The following MAPKBP1 variants were observed in gnomAD, a reference collection of about 807,000 sequenced individuals.
The protein encoded by MAPKBP1 is mitogen-activated protein kinase-binding protein 1.
Under a neutral mutation model 170.5 loss-of-function variants are expected in MAPKBP1, and 71 were observed. The observed-to-expected ratio is 0.42, with a 90% CI of 0.34 to 0.51. The LOEUF (loss-of-function observed/expected upper bound fraction) is 0.51, where lower values mean the gene tolerates loss of function less well. MAPKBP1 is among the 20% of genes least tolerant of loss of function. The pLI, the probability that MAPKBP1 is intolerant of heterozygous loss-of-function variation, is 0.06. For missense variants in MAPKBP1, 1,598 were observed against 1,933.0 expected, an observed-to-expected ratio of 0.83 and a Z score of 3.25; for synonymous variants, 719 against 757.9, an observed-to-expected ratio of 0.95 and a Z score of 0.84.
In MAPKBP1 at chr15:41,823,773, C is replaced by T; in HGVS notation, c.3925C>T (p.Pro1309Ser). The change falls in exon 29 of 31, where the codon CCT becomes TCT. Residue 1309 changes from proline (P) to serine (S), a missense_variant. By Grantham distance (74) the Pro-to-Ser change is moderately conservative. Around this residue, in one of 6 missense-constraint regions of MAPKBP1, gnomAD observed 942 missense variants for 953.2 expected, o/e 0.99. Coordinates refer to ENST00000457542, the MANE Select transcript of MAPKBP1 (RefSeq NM_014994.3). ...PDRPTLAAFS[P>S]VTKGRAPGEA... ...CCGTCCTACCCTGGCTGCATTCTCT[C>T]CTGTCACCAAAGGCCGGGCCCCTGG... The T allele has an allele frequency of 6.2e-7, 1 of 1,614,178 alleles. No homozygotes were observed. The highest frequency in any genetic ancestry group is 8.5e-7 in the Non-Finnish European group (1 of 1,180,038).
chr15:41,804,594 C>T (rs943515014), intron 3 of MAPKBP1, among the ~76,000 whole-genome samples: 5 of 152,188 alleles, frequency 3.3e-5, no homozygotes, highest in Non-Finnish European at 7.3e-5. Context: ...GAGTCCTGCC[C>T]GCTTTCTTCC....
intron 3 of MAPKBP1, among the ~76,000 whole-genome samples, chr15:41,810,392 G>A (rs1051851562): frequency 9.9e-5 from 15 of 151,992 alleles, no homozygotes; most frequent in Non-Finnish European, 1.9e-4. Flanking sequence ...CCTCTTGGGT[G>A]GGGAAAAGGA....
chr15:41,820,972 A>C lies in MAPKBP1; in HGVS notation c.2622A>C (p.Pro874=). The change falls in exon 23 of 31, where the codon CCA becomes CCC. Residue 874 remains proline (P), a synonymous_variant. Transcript: ENST00000457542. ...TGCGGCAGCTGGAAACACTGGCCCCAAGCCTGCAGGACCCTAGCCAGGACT... is the reference window on the plus strand; with the variant it reads ...TGCGGCAGCTGGAAACACTGGCCCCCAGCCTGCAGGACCCTAGCCAGGACT... The part of the protein sequence containing the change: ...LDLRQLETLA[P]SLQDPSQDSL... 1 of 1,614,170 alleles carries C rather than the reference A, an allele frequency of 6.2e-7. No individual in the cohort carries two copies. Among genetic ancestry groups the C allele is most frequent in the Admixed American group, 1.7e-5 (1 of 60,024 alleles).
At chr15:41,800,070 G>A (rs1401332038) in intron 3 of MAPKBP1, among the ~76,000 whole-genome samples, 156 bp downstream of exon 3, 2 of 152,146 alleles carry the variant, frequency 1.3e-5, no homozygotes, top group Non-Finnish European at 2.9e-5. Context: ...ACCAGGTAAA[G>A]GTTCTTTGTC....
At position 41,810,451 on chromosome 15, in the gene MAPKBP1, T is replaced by G. The variant is rs192377216; in HGVS notation, c.207-432T>G. On this transcript the variant is annotated intron_variant, in intron 3 of 30. Transcript: ENST00000457542. ...AGCAGTGGAGGCTGGGCACGGTGGC[T>G]TATGCCTGTAATCCCAGCACTTTGG... 1.9e-3 allele frequency among the ~76,000 whole-genome samples: 286 copies of G among 151,622 alleles called. 1 individual carries two copies. In the Middle Eastern group the frequency reaches 0.024, roughly 13 times the overall value.
intron 21 of MAPKBP1, 46 bp from the exon 22 acceptor site, chr15:41,819,549 G>GGGGGGC: frequency 6.9e-7 from 1 of 1,448,748 alleles, no homozygotes; most frequent in Non-Finnish European, 9.3e-7. Flanking sequence ...TTGGGTGGCG[G>GGGGGGC]GGGGGGGGCA....
In MAPKBP1 at chr15:41,813,033, A is replaced by G. The variant is rs2064829902; in HGVS notation, c.751A>G (p.Ile251Val). The G allele has an allele frequency of 1.9e-6, 3 of 1,614,012 alleles. No homozygotes were observed. In the East Asian group the frequency reaches 6.7e-5, roughly 36 times the overall value. The change falls in exon 8 of 31, where the codon ATC becomes GTC. Residue 251 changes from isoleucine (I) to valine (V), a missense_variant. This residue lies in a region of MAPKBP1 where 430 missense variants were observed against 617.2 expected (regional missense o/e 0.70). Coordinates refer to ENST00000457542, the MANE Select transcript of MAPKBP1 (RefSeq NM_014994.3). The part of the protein sequence containing the change: ...RGKKADSTFC[I>V]TSSGLLCEFS... ...AAAAAAGGCGGACAGTACCTTCTGC[A>G]TCACGTCCTCAGGGCTGCTGTGCGA... is the stretch of plus-strand genomic sequence containing the variant.
chr15:41,799,975 T>C (rs2064561504), intron 3 of MAPKBP1, 61 bp downstream of exon 3: 2 of 1,393,224 alleles, frequency 1.4e-6, no homozygotes, highest in Non-Finnish European at 2.0e-6. Flanking sequence ...GCTAGAGCAG[T>C]TGGGATGGGC....
intron 30 of MAPKBP1, 163 bp from the exon 31 acceptor site, chr15:41,825,044 CCA>C (rs1942582276): frequency 1.7e-6 from 1 of 596,360 alleles, no homozygotes; most frequent in African/African-American, 1.9e-5. Context: ...GGCGTCACCC[CCA>C]GAGTCTGCCT....
At chr15:41,815,495 G>GAA in intron 11 of MAPKBP1, 90 bp downstream of exon 11, 2 of 1,567,528 alleles carry the variant, frequency 1.3e-6, no homozygotes, top group Non-Finnish European at 8.7e-7. Flanking sequence ...TGGTCCCTAG[G>GAA]CCTTGGCCTT....
chr15:41,810,744 AG>A, intron 3 of MAPKBP1, 138 bp from the exon 4 acceptor site: 1 of 611,326 alleles, frequency 1.6e-6, no homozygotes, highest in Non-Finnish European at 2.9e-6. Context: ...AAAAAAGAAA[AG>A]GAAAAAAACA....
chr15:41,784,754 C>T (rs973883339), intron 2 of MAPKBP1, among the ~76,000 whole-genome samples: 2 of 143,890 alleles, frequency 1.4e-5, no homozygotes, highest in African/African-American at 5.2e-5. Context: ...TACACTCCAG[C>T]CTGGCAATAG....
intron 3 of MAPKBP1, among the ~76,000 whole-genome samples, chr15:41,801,735 A>G (rs1308734243): frequency 6.6e-6 from 1 of 152,110 alleles, no homozygotes; most frequent in African/African-American, 2.4e-5. Context: ...TGGTAGTCCC[A>G]GCTGCTTGGG....
chr15:41,799,699 AT>A lies in MAPKBP1; in HGVS notation c.115-122del, dbSNP rs2064556380. ...AAGAAGCTGCAGAAGTCATAGCTCC[AT>A]TCTCCTGAAAACATGGGTGTCTGGA... is the stretch of plus-strand genomic sequence containing the variant. On this transcript the variant is annotated intron_variant, in intron 2 of 30. Coordinates refer to ENST00000457542, the MANE Select transcript of MAPKBP1 (RefSeq NM_014994.3). 44 of 695,974 alleles carry A rather than the reference AT, an allele frequency of 6.3e-5. No individual in the cohort carries two copies. In the South Asian group the frequency reaches 7.7e-4, roughly 12 times the overall value. The allele number at this position is 695,974 out of a possible 1,614,324, so 43.1% of individuals were successfully genotyped here.
In MAPKBP1 at chr15:41,823,015, C is replaced by G; in HGVS notation, c.3391C>G (p.Pro1131Ala). Residue 1131 changes from proline (P) to alanine (A), a missense_variant, in exon 28 of 31, where the codon CCG becomes GCG. By Grantham distance (27) the Pro-to-Ala change is conservative (BLOSUM62 -1). Transcript: ENST00000457542. ...AQVPQASGEQ[P>A]RGNGANPPGA... ...GGTGCCACAGGCATCTGGTGAGCAG[C>G]CGAGAGGCAATGGTGCCAATCCCCC... 1 of 1,614,070 alleles carries G rather than the reference C, an allele frequency of 6.2e-7. No individual in the cohort carries two copies. Among genetic ancestry groups the G allele is most frequent in the South Asian group, 1.1e-5 (1 of 91,074 alleles).
At chr15:41,795,715 T>C (rs1360367199) in intron 2 of MAPKBP1, among the ~76,000 whole-genome samples, 7 of 152,240 alleles carry the variant, frequency 4.6e-5, no homozygotes, top group Non-Finnish European at 8.8e-5. Context: ...CACACCATTG[T>C]CCTGCCTCAG....
At position 41,821,599 on chromosome 15, in the gene MAPKBP1, C is replaced by T. The variant is rs748058624; in HGVS notation, c.2734C>T (p.Arg912Trp). The T allele has an allele frequency of 1.8e-5, 29 of 1,613,546 alleles. No individual in the cohort carries two copies. In the Admixed American group the frequency reaches 3.3e-4, roughly 19 times the overall value. Reference sequence around the variant, plus strand: ...GTGTTCCCAGAATGAAAAGCCCCCTCGGCCTCAGGCTTCCCAACCTTGTTC... The same window carrying T: ...GTGTTCCCAGAATGAAAAGCCCCCTTGGCCTCAGGCTTCCCAACCTTGTTC... ...SLTSQNEKPP[R>W]PQASQPCSYP... The change falls in exon 24 of 31, where the codon CGG (arginine) becomes TGG (tryptophan). Residue 912 changes from arginine to tryptophan, a missense_variant. Around this residue, in one of 6 missense-constraint regions of MAPKBP1, gnomAD observed 942 missense variants for 953.2 expected, o/e 0.99. Transcript: ENST00000457542.
intron 2 of MAPKBP1, among the ~76,000 whole-genome samples, chr15:41,783,217 T>C (rs1247814999): frequency 1.3e-5 from 2 of 152,214 alleles, no homozygotes; most frequent in African/African-American, 4.8e-5. Context: ...TAGCTCATGC[T>C]CTTGAGGTGC....
intron 6 of MAPKBP1, among the ~76,000 whole-genome samples, 167 bp from the exon 7 acceptor site, chr15:41,812,349 G>C (rs1375762325): frequency 3.9e-5 from 6 of 152,244 alleles, no homozygotes; most frequent in Admixed American, 1.3e-4. Context: ...AATCTTTTCA[G>C]CTCCTCTAGA....
Sources: gnomAD v4.1 joint callset for allele counts (sites outside exome capture counted in the v4.1 genomes callset) on GRCh38, gnomAD v4.1.1 for gene constraint, gnomAD v4.1.1 regional missense constraint, MANE v1.5 for transcripts, NCBI Gene and HGNC (gene_info 2026-07-23, HGNC 2026-07-21) for gene names.